Variants in ERC1 observed in about 807,000 individuals in gnomAD.
ERC1 encodes the protein RAB6 interacting protein 2.
Under a neutral mutation model 132.0 loss-of-function variants are expected in ERC1, and 56 were observed. The observed-to-expected ratio is 0.42, with a 90% CI of 0.34 to 0.53. The LOEUF (loss-of-function observed/expected upper bound fraction) is 0.53. Among genes scored for constraint, ERC1 ranks in the 20% least tolerant of loss-of-function variants. ERC1 has a pLI of 0.03. For missense variants in ERC1, 1,202 were observed against 1,349.9 expected (o/e 0.89, Z 1.72); for synonymous variants, 478 against 476.1 (o/e 1.00, Z -0.05).
At chr12:1,007,527 T>TCC (rs1963903292) in intron 1 of ERC1, among the ~76,000 whole-genome samples, 1 of 73,988 alleles carries the variant, frequency 1.4e-5, no homozygotes, top group Non-Finnish European at 2.5e-5. Context: ...TCTCTCTCTC[T>TCC]CTCTCTCTCT....
intron 7 of ERC1, among the ~76,000 whole-genome samples, chr12:1,130,608 A>G (rs563172301): frequency 6.8e-6 from 1 of 147,848 alleles, no homozygotes; most frequent in African/African-American, 2.5e-5. Context: ...ATTTTTCAGA[A>G]TATAAATTTG....
chr12:1,173,362 C>T (rs750565574), intron 8 of ERC1, among the ~76,000 whole-genome samples: 4 of 152,180 alleles, frequency 2.6e-5, no homozygotes, highest in South Asian at 2.1e-4. Flanking sequence ...ACCTCCCCAC[C>T]ACCACTGTTA....
In ERC1 at chr12:1,021,856, C is replaced by T. The variant is rs547618958; in HGVS notation, c.-156-5892C>T. On this transcript the variant is annotated intron_variant, in intron 1 of 18. Coordinates refer to ENST00000360905, the MANE Select transcript of ERC1 (RefSeq NM_178040.4). ...AGTGCAAACATGTTCATGCTTGCTG[C>T]GCTGTGAGTAATAAAAGTTCTTTGT... is the stretch of plus-strand genomic sequence containing the variant. Among the ~76,000 whole-genome samples, 5 of 152,184 alleles carry T rather than the reference C, an allele frequency of 3.3e-5. No individual in the cohort carries two copies. In the East Asian group the frequency reaches 9.7e-4, roughly 29 times the overall value.
intron 15 of ERC1, among the ~76,000 whole-genome samples, chr12:1,359,858 T>G (rs1435986073): frequency 6.6e-6 from 1 of 152,220 alleles, no homozygotes; most frequent in Non-Finnish European, 1.5e-5. Context: ...CACAAAAGAG[T>G]TACGTCATCT....
At position 1,110,323 on chromosome 12, in the gene ERC1, C is replaced by T. The variant is rs903131324; in HGVS notation, c.1293C>T (p.Ser431=). Residue 431 remains serine (S), a synonymous_variant, in exon 5 of 19, where the codon AGC becomes AGT. Coordinates refer to ENST00000360905, the MANE Select transcript of ERC1 (RefSeq NM_178040.4). ...EEMKQMEVYR[S]HSKFMKNKVE... ...TGAAGCAAATGGAAGTGTATCGGAG[C>T]CATTCTAAATTTATGAAAAATAAGG... 47 of 1,608,830 alleles carry T rather than the reference C, an allele frequency of 2.9e-5. No individual in the cohort carries two copies. Among genetic ancestry groups the T allele is most frequent in the Non-Finnish European group, 3.7e-5 (43 of 1,178,028 alleles).
At position 1,491,132 on chromosome 12, in the gene ERC1, C is replaced by G; in HGVS notation, c.*902C>G. The G allele has an allele frequency of 4.3e-6, 1 of 232,608 alleles. No homozygotes were observed. The highest frequency in any genetic ancestry group is 8.5e-6 in the Non-Finnish European group (1 of 117,616). The allele number at this position is 232,608 out of a possible 1,614,324, so 14.4% of individuals were successfully genotyped here. A position where few individuals can be genotyped will look rare whatever the true frequency, so the allele number is the denominator to read the frequency against. ...TTGACATATGAGACCCTGTTGTCCCCGCCTGCAGCTTTGCCCCAGTAACAG... is the reference window on the plus strand; with the variant it reads ...TTGACATATGAGACCCTGTTGTCCCGGCCTGCAGCTTTGCCCCAGTAACAG... On this transcript the variant is annotated 3_prime_UTR_variant, in exon 19 of 19. Coordinates refer to ENST00000360905, the MANE Select transcript of ERC1 (RefSeq NM_178040.4).
chr12:1,329,854 G>T (rs998126287), intron 15 of ERC1, among the ~76,000 whole-genome samples: 3 of 152,176 alleles, frequency 2.0e-5, no homozygotes, highest in African/African-American at 7.2e-5. Flanking sequence ...GGAAAGGGAG[G>T]AGTTAAAGAT....
At chr12:1,208,956 GA>G (rs1957592826) in intron 12 of ERC1, among the ~76,000 whole-genome samples, 2 of 107,202 alleles carry the variant, frequency 1.9e-5, no homozygotes, top group African/African-American at 8.2e-5. Flanking sequence ...ACGCCCAGCT[GA>G]TTTTTTTTTT....
At position 1,403,098 on chromosome 12, in the gene ERC1, CAGAAT is replaced by C. The variant is rs574064280; in HGVS notation, c.2926-5047_2926-5043del. 7.6e-3 allele frequency among the ~76,000 whole-genome samples: 1,158 copies of C among 152,282 alleles called. 13 individuals are homozygous for C. The highest frequency in any genetic ancestry group is 0.013 in the Non-Finnish European group (915 of 68,016). ...TTTTTGTCGTAGAAGAAAAAATTAA[CAGAAT>C]AGACAACTAACTCCTTTTTCCTCTG... On this transcript the variant is annotated intron_variant, in intron 16 of 18. Transcript: ENST00000360905.
At chr12:1,069,909 A>G (rs571130656) in intron 2 of ERC1, among the ~76,000 whole-genome samples, 2 of 152,350 alleles carry the variant, frequency 1.3e-5, no homozygotes, top group East Asian at 3.9e-4. Flanking sequence ...CCCATATTAT[A>G]AAGTTCATAA....
At chr12:1,197,095 G>A (rs535482408) in intron 12 of ERC1, among the ~76,000 whole-genome samples, 47 of 148,096 alleles carry the variant, frequency 3.2e-4, no homozygotes, top group Middle Eastern at 3.7e-3. Flanking sequence ...ATTCTTGTGC[G>A]TCAGCCTTCC....
At chr12:1,273,106 G>A (rs2077993039) in intron 14 of ERC1, among the ~76,000 whole-genome samples, 1 of 152,032 alleles carries the variant, frequency 6.6e-6, no homozygotes, top group Non-Finnish European at 1.5e-5. Flanking sequence ...TACTTTCTTA[G>A]CATTATTTGA....
At chr12:1,162,349 G>T (rs1248716329) in intron 8 of ERC1, among the ~76,000 whole-genome samples, 1 of 152,198 alleles carries the variant, frequency 6.6e-6, no homozygotes, top group East Asian at 1.9e-4. Context: ...AAATTGTACA[G>T]CTTCTTGCTT....
At chr12:1,075,907 C>G (rs761996544) in intron 2 of ERC1, among the ~76,000 whole-genome samples, 18 of 152,102 alleles carry the variant, frequency 1.2e-4, no homozygotes, top group Admixed American at 3.3e-4. Context: ...AGAAGAAAAT[C>G]CATGTGTCAG....
intron 18 of ERC1, among the ~76,000 whole-genome samples, chr12:1,483,060 A>G (rs1247507025): frequency 1.7e-4 from 26 of 152,090 alleles, no homozygotes; most frequent in Non-Finnish European, 3.2e-4. Flanking sequence ...ACTTTGGGAG[A>G]CCAAGGTGGG....
intron 16 of ERC1, among the ~76,000 whole-genome samples, chr12:1,395,419 T>TC (rs1344709537): frequency 4.3e-4 from 62 of 142,846 alleles, no homozygotes; most frequent in African/African-American, 1.6e-3. Flanking sequence ...TTTTTTTTTT[T>TC]TTTCAGTTTT....
At chr12:1,063,807 T>C (rs926936907) in intron 2 of ERC1, among the ~76,000 whole-genome samples, 1 of 152,198 alleles carries the variant, frequency 6.6e-6, no homozygotes, top group Non-Finnish European at 1.5e-5. Flanking sequence ...TCCTTGCTGT[T>C]TGGTGGTATT....
chr12:1,224,669 T>A (rs1313851170), intron 12 of ERC1, among the ~76,000 whole-genome samples: 2 of 151,532 alleles, frequency 1.3e-5, no homozygotes, highest in Non-Finnish European at 2.9e-5. Flanking sequence ...TTAGAAACTG[T>A]AAAAAAATGA....
At chr12:1,402,792 A>G (rs762799901) in intron 16 of ERC1, among the ~76,000 whole-genome samples, 8 of 152,176 alleles carry the variant, frequency 5.3e-5, no homozygotes, top group Non-Finnish European at 1.2e-4. Flanking sequence ...TTCATGAAGA[A>G]AAGACCAGAT....
Sources: gnomAD v4.1 joint callset for allele counts (sites outside exome capture counted in the v4.1 genomes callset) on GRCh38, gnomAD v4.1.1 for gene constraint, MANE v1.5 for transcripts, NCBI Gene and HGNC (gene_info 2026-07-23, HGNC 2026-07-21) for gene names.